ABTB3: variants seen among roughly 807,000 people sequenced by gnomAD.
ABTB3 encodes the protein ankyrin repeat and BTB domain containing 3.
chr12:107,540,293 G>A, the ABTB3 span, among the ~76,000 whole-genome samples: 3 of 152,286 alleles, frequency 2.0e-5, no homozygotes, highest in South Asian at 4.1e-4. Context: ...GAAGAAGAGT[G>A]TTCCAGCTCC....
the ABTB3 span, among the ~76,000 whole-genome samples, chr12:107,584,712 C>A: frequency 2.0e-5 from 3 of 152,214 alleles, no homozygotes; most frequent in Non-Finnish European, 4.4e-5. Context: ...CCAGCCGGGA[C>A]AGAGAGACCA....
chr12:107,384,507 A>G, the ABTB3 span, among the ~76,000 whole-genome samples: 2 of 152,178 alleles, frequency 1.3e-5, no homozygotes, highest in Non-Finnish European at 2.9e-5. Flanking sequence ...TTTCCTGGAA[A>G]AGAGACTCTA....
chr12:107,319,731 C>T, the ABTB3 span: 11 of 1,529,612 alleles, frequency 7.2e-6, no homozygotes, highest in African/African-American at 2.8e-5. Context: ...TGCAGTGGCC[C>T]TGGGTCAGGC....
chr12:107,330,915 A>T, the ABTB3 span, among the ~76,000 whole-genome samples: 1 of 152,252 alleles, frequency 6.6e-6, no homozygotes. Context: ...CTAAATGCAG[A>T]ATCAAATTAA....
chr12:107,555,113 G>A, the ABTB3 span, among the ~76,000 whole-genome samples: 2 of 152,250 alleles, frequency 1.3e-5, no homozygotes, highest in African/African-American at 2.4e-5. Flanking sequence ...TGATAGCTTC[G>A]AGCATCCCAA....
At chr12:107,599,487 T>C in the ABTB3 span, among the ~76,000 whole-genome samples, 2 of 151,848 alleles carry the variant, frequency 1.3e-5, no homozygotes, top group Admixed American at 6.6e-5. Context: ...GAAATCAGCA[T>C]TATTGTCTAC....
At chr12:107,580,942 T>G in the ABTB3 span, 1 of 1,551,610 alleles carries the variant, frequency 6.4e-7, no homozygotes, top group Non-Finnish European at 8.7e-7. Flanking sequence ...CCAGAGAGCC[T>G]GCCCCGGGGT....
chr12:107,483,417 T>C, the ABTB3 span, among the ~76,000 whole-genome samples: 9,820 of 152,196 alleles, frequency 0.065, 890 homozygotes, highest in African/African-American at 0.2. Flanking sequence ...GCATGATTTC[T>C]TTGGTCCCTG....
At chr12:107,652,485 C>T in the ABTB3 span, among the ~76,000 whole-genome samples, 17,035 of 152,182 alleles carry the variant, frequency 0.11, 1,216 homozygotes, top group African/African-American at 0.19. Flanking sequence ...AGGTGATTCT[C>T]AGATGGGGCC....
chr12:107,411,041 C>G, the ABTB3 span, among the ~76,000 whole-genome samples: 5 of 152,016 alleles, frequency 3.3e-5, no homozygotes, highest in Non-Finnish European at 5.9e-5. Flanking sequence ...GGCTCATGCC[C>G]GTAATCCCAA....
the ABTB3 span, among the ~76,000 whole-genome samples, chr12:107,436,960 G>A: frequency 1.3e-5 from 2 of 151,074 alleles, no homozygotes; most frequent in South Asian, 2.1e-4. Flanking sequence ...ATCCCCCCCC[G>A]CCGCACCTGC....
chr12:107,470,018 C>T, the ABTB3 span, among the ~76,000 whole-genome samples: 94 of 115,426 alleles, frequency 8.1e-4, 1 homozygote, highest in African/African-American at 1.3e-3. Flanking sequence ...CTTTCTCTCT[C>T]TCTCTCTCTC....
the ABTB3 span, among the ~76,000 whole-genome samples, chr12:107,522,927 C>T: frequency 6.6e-6 from 1 of 152,042 alleles, no homozygotes; most frequent in Admixed American, 6.5e-5. Context: ...TTACATACCC[C>T]CTAATTCAGG....
At chr12:107,556,798 G>A in the ABTB3 span, among the ~76,000 whole-genome samples, 2 of 152,104 alleles carry the variant, frequency 1.3e-5, no homozygotes, top group East Asian at 3.9e-4. Context: ...ATCACCTGAG[G>A]TCAGGAGTTC....
chr12:107,367,096 G>T, the ABTB3 span, among the ~76,000 whole-genome samples: 1 of 152,206 alleles, frequency 6.6e-6, no homozygotes, highest in Non-Finnish European at 1.5e-5. Flanking sequence ...GGTACAGTCC[G>T]GTTCTTGTCT....
the ABTB3 span, chr12:107,617,117 A>G: frequency 6.2e-7 from 1 of 1,614,000 alleles, no homozygotes; most frequent in East Asian, 2.2e-5. Flanking sequence ...GCCAAGGTGG[A>G]AGGCTCAGTG....
At chr12:107,610,365 C>T in the ABTB3 span, 47 of 1,613,522 alleles carry the variant, frequency 2.9e-5, no homozygotes, top group Middle Eastern at 1.6e-4. Flanking sequence ...GGTACAGGGT[C>T]CGAGGGTCTG....
the ABTB3 span, among the ~76,000 whole-genome samples, chr12:107,464,689 G>A: frequency 1.8e-3 from 275 of 152,298 alleles, 1 homozygote; most frequent in African/African-American, 5.9e-3. Flanking sequence ...CACTCAGGTA[G>A]AGGGAGCAGC....
chr12:107,431,630 G>A, the ABTB3 span, among the ~76,000 whole-genome samples: 6 of 145,262 alleles, frequency 4.1e-5, no homozygotes, highest in African/African-American at 1.2e-4. Context: ...CCCCGCACCC[G>A]CCCCCAAAAA....
Sources: gnomAD v4.1 joint callset for allele counts (sites outside exome capture counted in the v4.1 genomes callset) on GRCh38, gnomAD v4.1.1 for gene constraint, MANE v1.5 for transcripts, NCBI Gene and HGNC (gene_info 2026-07-23, HGNC 2026-07-21) for gene names.